The following INO80C variants were observed in gnomAD, a reference collection of about 807,000 sequenced individuals.
INO80C encodes IES6 homolog.
INO80C carries 17 observed loss-of-function variants against 17.7 expected under a neutral mutation model. The observed-to-expected ratio is 0.96, with a 90% CI of 0.66 to 1.44. The LOEUF is 1.44. Ranked by LOEUF, INO80C falls within the 40% of genes most tolerant of loss-of-function variation. INO80C has a pLI of 0.00. For missense variants in INO80C, 244 were observed against 245.0 expected, an observed-to-expected ratio of 1.00 and a Z score of 0.03; for synonymous variants, 96 against 95.8, an observed-to-expected ratio of 1.00 and a Z score of -0.01.
intron 1 of INO80C, among the ~76,000 whole-genome samples, chr18:35,491,872 G>A (rs72960908): frequency 1.4e-3 from 208 of 152,298 alleles, no homozygotes; most frequent in Non-Finnish European, 2.7e-3. Context: ...ACTAAGGGGC[G>A]CCCCCTCTTT....
At chr18:35,496,015 CTG>C in intron 1 of INO80C, among the ~76,000 whole-genome samples, 1 of 152,264 alleles carries the variant, frequency 6.6e-6, no homozygotes, top group Admixed American at 6.5e-5. Flanking sequence ...TGACAATACT[CTG>C]TATTGTTGAG....
chr18:35,472,706 C>G (rs1219352342), intron 4 of INO80C, among the ~76,000 whole-genome samples: 1 of 152,128 alleles, frequency 6.6e-6, no homozygotes, highest in Admixed American at 6.5e-5. Context: ...AGTGTATGTT[C>G]CCACCTCAAA....
At chr18:35,474,918 A>G (rs1405879730) in intron 4 of INO80C, among the ~76,000 whole-genome samples, 3 of 152,202 alleles carry the variant, frequency 2.0e-5, no homozygotes, top group Non-Finnish European at 4.4e-5. Context: ...AAACCAGAAC[A>G]GAGCATCCAA....
At position 35,468,356 on chromosome 18, in the gene INO80C, G is replaced by A; in HGVS notation, c.*255C>T. The A allele has an allele frequency of 1.5e-6, 2 of 1,315,682 alleles. No homozygotes were observed. The highest frequency in any genetic ancestry group is 1.9e-6 in the Non-Finnish European group (2 of 1,028,450). The allele number at this position is 1,315,682 out of a possible 1,614,324, so 81.5% of individuals were successfully genotyped here. ...GATAAATGAAAAGTATGGTTTTATT[G>A]TATCTTCTTGTCAAACACCTTTACT... is the stretch of plus-strand genomic sequence containing the variant. On this transcript the variant is annotated 3_prime_UTR_variant, in exon 5 of 5. Coordinates refer to ENST00000334598, the MANE Select transcript of INO80C (RefSeq NM_194281.4).
intron 1 of INO80C, chr18:35,489,039 G>C (rs1216272125): frequency 6.0e-6 from 1 of 167,248 alleles, no homozygotes; most frequent in Non-Finnish European, 1.3e-5. Context: ...ACCCCAACCT[G>C]GATTTCATTG....
chr18:35,479,879 G>C (rs1461339530), intron 2 of INO80C, among the ~76,000 whole-genome samples: 2 of 148,300 alleles, frequency 1.3e-5, no homozygotes, highest in African/African-American at 5.1e-5. Context: ...ACTCTTCTAG[G>C]TACCTCTTTT....
At chr18:35,486,565 T>C (rs934577039) in intron 1 of INO80C, among the ~76,000 whole-genome samples, 1 of 151,986 alleles carries the variant, frequency 6.6e-6, no homozygotes, top group African/African-American at 2.4e-5. Flanking sequence ...AAAGAAGGAA[T>C]GAATAAAGCT....
chr18:35,489,217 G>T, intron 1 of INO80C: 1 of 207,596 alleles, frequency 4.8e-6, no homozygotes, highest in Non-Finnish European at 9.8e-6. Flanking sequence ...TTTACATACA[G>T]CAGCAACCCA....
chr18:35,472,574 C>T (rs1440230981), intron 4 of INO80C, among the ~76,000 whole-genome samples: 1 of 152,102 alleles, frequency 6.6e-6, no homozygotes, highest in Non-Finnish European at 1.5e-5. Flanking sequence ...ATGGTAGTTT[C>T]TTTTGCTGTG....
chr18:35,485,539 C>T lies in INO80C; in HGVS notation c.157-4976G>A, dbSNP rs148148229. Among the ~76,000 whole-genome samples, 354 of 151,914 alleles carry T rather than the reference C, an allele frequency of 2.3e-3. 2 individuals carry two copies. The highest frequency in any genetic ancestry group is 0.017 in the South Asian group (84 of 4,808). On this transcript the variant is annotated intron_variant, in intron 1 of 4. Transcript: ENST00000334598. Reference sequence around the variant, plus strand: ...TCACTAGGATGGTTACAATCAAAGACAATAACACATATTGGCAAAGATGTG... The same window carrying T: ...TCACTAGGATGGTTACAATCAAAGATAATAACACATATTGGCAAAGATGTG...
intron 1 of INO80C, chr18:35,497,341 A>T: frequency 1.8e-5 from 18 of 985,344 alleles, no homozygotes; most frequent in Non-Finnish European, 2.0e-5. Context: ...TTACAGCGCT[A>T]TGCGCCTCAA....
intron 1 of INO80C, 141 bp downstream of exon 1, chr18:35,497,578 A>C (rs1598755451): frequency 2.1e-6 from 3 of 1,424,128 alleles, no homozygotes; most frequent in Admixed American, 3.0e-5. Context: ...GTAGTCATTC[A>C]CTCCGCGGGG....
In INO80C at chr18:35,478,316, G is replaced by C. The variant is rs1381726032; in HGVS notation, c.413C>G (p.Pro138Arg). The change falls in exon 4 of 5, where the codon CCA (proline) becomes CGA (arginine). Residue 138 changes from proline (P) to arginine (R), a missense_variant. Pro to Arg is a moderately radical substitution (Grantham distance 103, BLOSUM62 -2). Coordinates refer to ENST00000334598, the MANE Select transcript of INO80C (RefSeq NM_194281.4). ...TGAAACATCAGAATACTTCTTAGCT[G>C]GCTTAAAGGATGGAGGAGCATCAAT... is the stretch of plus-strand genomic sequence containing the variant. ...FSIDAPPSFK[P>R]AKKYSDVSGL... 1 of 1,607,652 alleles carries C rather than the reference G, an allele frequency of 6.2e-7. No homozygotes were observed.
chr18:35,490,706 G>A (rs918503664), intron 1 of INO80C, among the ~76,000 whole-genome samples: 1 of 152,012 alleles, frequency 6.6e-6, no homozygotes, highest in Non-Finnish European at 1.5e-5. Context: ...AGTGGAGTTC[G>A]CTTTTTCTTC....
At chr18:35,487,430 AG>A in intron 1 of INO80C, 1 of 381,944 alleles carries the variant, frequency 2.6e-6, no homozygotes, top group South Asian at 1.9e-5. Context: ...GCGGAAGGCA[AG>A]AGGCACGTCT....
intron 2 of INO80C, 134 bp downstream of exon 2, chr18:35,480,319 C>CT: frequency 1.5e-6 from 1 of 678,602 alleles, no homozygotes; most frequent in Non-Finnish European, 2.7e-6. Context: ...CCCATCTTGC[C>CT]CATAGGGGAG....
At chr18:35,491,933 C>T (rs2045937027) in intron 1 of INO80C, among the ~76,000 whole-genome samples, 1 of 152,174 alleles carries the variant, frequency 6.6e-6, no homozygotes, top group Non-Finnish European at 1.5e-5. Context: ...ATCCAGCCTG[C>T]TACTCAGGAA....
chr18:35,483,494 G>A (rs1188466593), intron 1 of INO80C: 1 of 152,294 alleles, frequency 6.6e-6, no homozygotes, highest in African/African-American at 2.4e-5. Flanking sequence ...GAGAGGGGTA[G>A]ATTCAGAGAG....
At chr18:35,489,270 G>T in intron 1 of INO80C, 1 of 263,784 alleles carries the variant, frequency 3.8e-6, no homozygotes, top group Non-Finnish European at 7.5e-6. Context: ...TTTTCATGCT[G>T]CTGATAAAGA....
Sources: gnomAD v4.1 joint callset for allele counts (sites outside exome capture counted in the v4.1 genomes callset) on GRCh38, gnomAD v4.1.1 for gene constraint, MANE v1.5 for transcripts, NCBI Gene and HGNC (gene_info 2026-07-23, HGNC 2026-07-21) for gene names.